MCCC2: variants seen among roughly 807,000 people sequenced by gnomAD.
MCCC2 encodes methylcrotonoyl-CoA carboxylase beta chain, mitochondrial.
MCCC2 carries 52 observed loss-of-function variants against 77.2 expected under a neutral mutation model. That is an observed-to-expected ratio of 0.67 (90% CI 0.54 to 0.85). The LOEUF (loss-of-function observed/expected upper bound fraction) is 0.85, where lower values mean the gene tolerates loss of function less well. Ranked by LOEUF, MCCC2 falls within the 40% of genes least tolerant of loss-of-function variation. The pLI is 0.00. For missense variants in MCCC2, 682 were observed against 703.2 expected (o/e 0.97, Z 0.34); for synonymous variants, 253 against 248.4 (o/e 1.02, Z -0.18).
intron 6 of MCCC2, among the ~76,000 whole-genome samples, chr5:71,613,318 G>C (rs1378615291): frequency 6.6e-6 from 1 of 152,132 alleles, no homozygotes; most frequent in East Asian, 1.9e-4. Context: ...CTGCTGCCAG[G>C]TGGAGTCTCT....
intron 6 of MCCC2, among the ~76,000 whole-genome samples, chr5:71,608,584 T>C (rs1745787659): frequency 6.6e-6 from 1 of 151,884 alleles, no homozygotes; most frequent in African/African-American, 2.4e-5. Flanking sequence ...ACATTTAAAG[T>C]TAATATTGTT....
chr5:71,630,275 T>A (rs566929423), intron 7 of MCCC2, among the ~76,000 whole-genome samples: 1 of 152,146 alleles, frequency 6.6e-6, no homozygotes, highest in Admixed American at 6.5e-5. Flanking sequence ...TTTTAGTAGC[T>A]TAGAGTAGTT....
intron 13 of MCCC2, 122 bp from the exon 14 acceptor site, chr5:71,648,975 T>A: frequency 1.7e-6 from 2 of 1,154,756 alleles, no homozygotes; most frequent in South Asian, 2.5e-5. Context: ...ATATAAACAT[T>A]TTCTTAAGGC....
chr5:71,612,651 T>C (rs901346352), intron 6 of MCCC2, among the ~76,000 whole-genome samples: 3 of 152,246 alleles, frequency 2.0e-5, no homozygotes, highest in Non-Finnish European at 4.4e-5. Context: ...GCCAACATGC[T>C]GGGCCTGGTG....
intron 8 of MCCC2, among the ~76,000 whole-genome samples, chr5:71,634,038 G>C (rs1746833800): frequency 6.6e-6 from 1 of 152,188 alleles, no homozygotes; most frequent in Non-Finnish European, 1.5e-5. Context: ...CTAGCTCTAA[G>C]ATATGTCTCC....
chr5:71,624,647 G>A (rs1186116496), intron 6 of MCCC2, among the ~76,000 whole-genome samples: 1 of 150,380 alleles, frequency 6.6e-6, no homozygotes, highest in East Asian at 2.0e-4. Context: ...AAAGTGCTGG[G>A]ATTACAGGCG....
chr5:71,656,941 C>A lies in MCCC2; in HGVS notation c.*81C>A. 2 of 1,046,684 alleles carry A rather than the reference C, an allele frequency of 1.9e-6. No homozygotes were observed. The highest frequency in any genetic ancestry group is 3.0e-6 in the Non-Finnish European group (2 of 667,662). 64.8% of individuals were successfully genotyped at this position (1,046,684 alleles called of 1,614,324 possible). A position where few individuals can be genotyped will look rare whatever the true frequency, so the allele number is the denominator to read the frequency against. On this transcript the variant is annotated 3_prime_UTR_variant, in exon 17 of 17. Transcript: ENST00000340941. ...GCCTTAAAATTTTAGACTTCTCGAA[C>A]ATGAGGCTGTTACAGTAATTTTTTT...
At chr5:71,626,834 T>G in intron 7 of MCCC2, 81 bp downstream of exon 7, 1 of 1,283,228 alleles carries the variant, frequency 7.8e-7, no homozygotes, top group East Asian at 2.5e-5. Context: ...TTTTGATGTT[T>G]TAAAAAATAT....
intron 3 of MCCC2, among the ~76,000 whole-genome samples, chr5:71,596,699 T>A (rs1408975343): frequency 1.3e-5 from 2 of 152,148 alleles, no homozygotes; most frequent in Non-Finnish European, 2.9e-5. Flanking sequence ...CCCAGCACTT[T>A]GGGAGGCCGA....
At chr5:71,656,084 G>T (rs1443461491) in intron 16 of MCCC2, among the ~76,000 whole-genome samples, 2 of 152,116 alleles carry the variant, frequency 1.3e-5, no homozygotes, top group Admixed American at 1.3e-4. Flanking sequence ...GTGTGGTAGC[G>T]CACTCCTGTA....
At chr5:71,594,295 G>A (rs1450124945) in intron 2 of MCCC2, among the ~76,000 whole-genome samples, 3 of 152,072 alleles carry the variant, frequency 2.0e-5, no homozygotes, top group Non-Finnish European at 2.9e-5. Context: ...TTGGGAGGCC[G>A]AGGTGGGCGG....
At chr5:71,604,491 T>C in intron 6 of MCCC2, 23 bp downstream of exon 6, 2 of 1,553,578 alleles carry the variant, frequency 1.3e-6, no homozygotes, top group South Asian at 2.2e-5. Context: ...GAATAAAGTG[T>C]ACAGTGGTGC....
intron 10 of MCCC2, among the ~76,000 whole-genome samples, chr5:71,637,315 T>A (rs939065886): frequency 6.6e-6 from 1 of 152,234 alleles, no homozygotes; most frequent in African/African-American, 2.4e-5. Context: ...TGGGTTCAGT[T>A]CCAGATCACT....
At chr5:71,632,438 T>C (rs1302050719) in intron 8 of MCCC2, among the ~76,000 whole-genome samples, 1 of 152,216 alleles carries the variant, frequency 6.6e-6, no homozygotes, top group Admixed American at 6.5e-5. Flanking sequence ...GCACCTGTTA[T>C]GTAGCAGGCA....
chr5:71,623,448 C>G (rs1288367514), intron 6 of MCCC2, among the ~76,000 whole-genome samples: 2 of 152,166 alleles, frequency 1.3e-5, no homozygotes, highest in Admixed American at 1.3e-4. Context: ...TCCTCAGTTG[C>G]TTGCCATACA....
intron 7 of MCCC2, among the ~76,000 whole-genome samples, chr5:71,628,664 GA>G (rs1347443180): frequency 1.3e-5 from 2 of 152,032 alleles, no homozygotes; most frequent in East Asian, 1.9e-4. Context: ...GGTCTTGGCA[GA>G]AAAAAACTTT....
At chr5:71,642,100 A>G (rs931049919) in intron 11 of MCCC2, among the ~76,000 whole-genome samples, 6 of 152,172 alleles carry the variant, frequency 3.9e-5, no homozygotes, top group East Asian at 1.9e-4. Context: ...TTTGCCTCCT[A>G]CTTGCTAAAA....
intron 15 of MCCC2, among the ~76,000 whole-genome samples, chr5:71,651,949 A>G (rs1274493269): frequency 6.6e-6 from 1 of 152,170 alleles, no homozygotes; most frequent in Non-Finnish European, 1.5e-5. Context: ...ACAGTGTGTT[A>G]ATGGTTCTCC....
intron 6 of MCCC2, among the ~76,000 whole-genome samples, chr5:71,612,503 G>T (rs959158309): frequency 5.3e-5 from 8 of 152,102 alleles, no homozygotes; most frequent in Non-Finnish European, 7.4e-5. Context: ...TCGTATTGTG[G>T]TCTCCATTTA....
Sources: allele counts gnomAD v4.1 joint callset (sites outside exome capture counted in the v4.1 genomes callset), GRCh38; gene constraint gnomAD v4.1.1; transcripts MANE v1.5; gene names NCBI Gene and HGNC (gene_info 2026-07-23, HGNC 2026-07-21).